Variants in TCP11 observed in about 807,000 individuals in gnomAD.
TCP11 encodes the protein T-complex protein 11 homolog.
In TCP11, 34 loss-of-function variants were observed where a neutral mutation model predicts 45.0. The observed-to-expected ratio is 0.76, with a 90% confidence interval of 0.57 to 1.01. The LOEUF (loss-of-function observed/expected upper bound fraction) is 1.01. Ranked by LOEUF, TCP11 falls within the 50% of genes least tolerant of loss-of-function variation. The pLI is 0.00. For synonymous variants in TCP11, 227 were observed against 227.0 expected (o/e 1.00, Z 0.00); for missense variants, 523 against 598.1 (o/e 0.87, Z 1.31).
chr6:35,119,013 C>G (rs1315148299), intron 9 of TCP11, among the ~76,000 whole-genome samples: 1 of 152,128 alleles, frequency 6.6e-6, no homozygotes, highest in Admixed American at 6.5e-5. Flanking sequence ...TATCCCACAC[C>G]TAGAAGTCAT....
At chr6:35,140,485 A>C in intron 2 of TCP11, 1 of 608,160 alleles carries the variant, frequency 1.6e-6, no homozygotes, top group Non-Finnish European at 3.1e-6. Context: ...AATACAATAC[A>C]AAGGAGGGCT....
At chr6:35,133,213 G>C (rs1780654021) in intron 3 of TCP11, among the ~76,000 whole-genome samples, 1 of 151,568 alleles carries the variant, frequency 6.6e-6, no homozygotes, top group Admixed American at 6.6e-5. Context: ...GTCTTGCTCT[G>C]TTGCCTGGGC....
intron 4 of TCP11, among the ~76,000 whole-genome samples, chr6:35,125,660 G>A (rs1779740036): frequency 6.6e-6 from 1 of 152,072 alleles, no homozygotes; most frequent in Non-Finnish European, 1.5e-5. Context: ...TCCAACTTTA[G>A]GTATATACCC....
intron 3 of TCP11, among the ~76,000 whole-genome samples, chr6:35,132,083 A>G (rs1323610137): frequency 6.6e-6 from 1 of 152,248 alleles, no homozygotes; most frequent in Non-Finnish European, 1.5e-5. Context: ...CACCAGCAAG[A>G]TAAATGGCTT....
chr6:35,119,355 T>C lies in TCP11; in HGVS notation c.1152A>G (p.Val384=). The change falls in exon 9 of 10, where the codon GTA becomes GTG. Residue 384 remains valine, a synonymous_variant. Transcript: ENST00000311875. ...EEAILTVSEQ[V]SQEIHQSLKN... is the part of the protein sequence containing the mutation. ...TGAGGCTTTGATGGATTTCCTGAGATACCTGTTCACTCACAGTCAGTATAG... is the reference window on the plus strand; with the variant it reads ...TGAGGCTTTGATGGATTTCCTGAGACACCTGTTCACTCACAGTCAGTATAG... 3 of 1,614,230 alleles carry C rather than the reference T, an allele frequency of 1.9e-6. No individual in the cohort carries two copies. The highest frequency in any genetic ancestry group is 2.2e-5 in the East Asian group (1 of 44,888).
intron 3 of TCP11, 40 bp from the exon 4 acceptor site, chr6:35,129,222 A>C (rs756006413): frequency 1.3e-6 from 2 of 1,588,278 alleles, no homozygotes; most frequent in African/African-American, 2.7e-5. Flanking sequence ...CTCTCAACCC[A>C]AAAACAGTTA....
intron 3 of TCP11, among the ~76,000 whole-genome samples, chr6:35,133,474 T>G: frequency 6.6e-6 from 1 of 151,950 alleles, no homozygotes. Context: ...TGAGCCACTG[T>G]GCCTGACCAA....
chr6:35,135,476 A>G (rs1053999949), intron 3 of TCP11, among the ~76,000 whole-genome samples: 4 of 152,098 alleles, frequency 2.6e-5, no homozygotes, highest in African/African-American at 9.7e-5. Context: ...TCTCATCCAC[A>G]GAAACTGTGA....
chr6:35,121,058 G>A lies in TCP11; in HGVS notation c.579-13C>T, dbSNP rs557693242. 44 of 1,593,760 alleles carry A rather than the reference G, an allele frequency of 2.8e-5. 1 individual carries two copies. In the South Asian group the frequency reaches 4.8e-4, roughly 17 times the overall value. On this transcript the variant is annotated splice_polypyrimidine_tract_variant and intron_variant, in intron 5 of 9. Coordinates refer to ENST00000311875, the MANE Select transcript of TCP11 (RefSeq NM_001370687.1). ...CTGGAAGATCCCTCTGACACAGGGG[G>A]AAAGAGAATATTTATACTACTAAGC... is the stretch of plus-strand genomic sequence containing the variant.
Position 35,122,103 on chromosome 6 carries a change from A to G in TCP11, c.578+14T>C. ...GCTAAAGCAGGTTTTTGGGGGCAGT[A>G]TCAAGTTTCATACCTCAGTAGCCAA... On this transcript the variant is annotated intron_variant, in intron 5 of 9. Coordinates refer to ENST00000311875, the MANE Select transcript of TCP11 (RefSeq NM_001370687.1). The G allele has an allele frequency of 1.9e-6, 3 of 1,614,008 alleles. No individual in the cohort carries two copies. Among genetic ancestry groups the G allele is most frequent in the Non-Finnish European group, 2.5e-6 (3 of 1,179,856 alleles).
At chr6:35,140,977 C>T in intron 1 of TCP11, 93 bp from the exon 2 acceptor site, 3 of 1,390,762 alleles carry the variant, frequency 2.2e-6, no homozygotes, top group Non-Finnish European at 2.8e-6. Flanking sequence ...AGGGGGGTAG[C>T]GGCCTCAGGG....
At position 35,126,650 on chromosome 6, in the gene TCP11, CTTT is replaced by C. The variant is rs56010838; in HGVS notation, c.357+2409_357+2411del. Among the ~76,000 whole-genome samples, 397 of 66,866 alleles carry C rather than the reference CTTT, an allele frequency of 5.9e-3. 1 individual carries two copies. The highest frequency in any genetic ancestry group is 0.011 in the African/African-American group (185 of 16,846). The allele number at this position is 66,866 out of a possible 152,430, so 43.9% of individuals were successfully genotyped here. ...TGCAATATATGCTTTGAATCAAAGA[CTTT>C]TTTTTTTTTTTTTTTTTTTTTTTGA... On this transcript the variant is annotated intron_variant, in intron 4 of 9. Transcript: ENST00000311875.
intron 1 of TCP11, 138 bp from the exon 2 acceptor site, chr6:35,141,022 G>A (rs1781707256): frequency 3.2e-6 from 4 of 1,248,914 alleles, no homozygotes; most frequent in Non-Finnish European, 4.2e-6. Context: ...AGGGGCAAAG[G>A]AGCGTGGAGG....
At position 35,120,064 on chromosome 6, in the gene TCP11, G is replaced by A; in HGVS notation, c.1115+95C>T. 1 of 1,454,310 alleles carries A rather than the reference G, an allele frequency of 6.9e-7. No individual in the cohort carries two copies. The highest frequency in any genetic ancestry group is 9.3e-7 in the Non-Finnish European group (1 of 1,079,062). The allele number at this position is 1,454,310 out of a possible 1,614,324, so 90.1% of individuals were successfully genotyped here. On this transcript the variant is annotated intron_variant, in intron 8 of 9. Coordinates refer to ENST00000311875, the MANE Select transcript of TCP11 (RefSeq NM_001370687.1). This position sits in a 1 kb window ranked among gnomAD's most constrained non-coding sequence, Gnocchi z 4.9. ...AGATGGTTCCACAGGGCCTTTCTGT[G>A]GTTTGTGGTAGACAGTAAGCAATCG...
chr6:35,121,998 T>TA, intron 5 of TCP11, 119 bp downstream of exon 5: 1 of 934,918 alleles, frequency 1.1e-6, no homozygotes, highest in Non-Finnish European at 1.7e-6. Flanking sequence ...AAAAGGGTGT[T>TA]AGTCAGGTCT....
intron 4 of TCP11, among the ~76,000 whole-genome samples, chr6:35,125,561 T>C (rs1052336560): frequency 7.9e-5 from 12 of 152,186 alleles, no homozygotes; most frequent in African/African-American, 2.9e-4. Context: ...ACATTGCTGG[T>C]AGGAATATAA....
At chr6:35,122,442 G>T in intron 4 of TCP11, 105 bp from the exon 5 acceptor site, 1 of 1,052,174 alleles carries the variant, frequency 9.5e-7, no homozygotes, top group Non-Finnish European at 1.4e-6. Context: ...GTTTTTTAAG[G>T]ATCAAGAAGT....
At position 35,118,252 on chromosome 6, in the gene TCP11, G is replaced by C; in HGVS notation, c.*17C>G. The C allele has an allele frequency of 6.2e-7, 1 of 1,608,194 alleles. No individual in the cohort carries two copies. Among genetic ancestry groups the C allele is most frequent in the Non-Finnish European group, 8.5e-7 (1 of 1,174,618 alleles). On this transcript the variant is annotated 3_prime_UTR_variant, in exon 10 of 10. Coordinates refer to ENST00000311875, the MANE Select transcript of TCP11 (RefSeq NM_001370687.1). The stretch of plus-strand genomic sequence containing the variant: ...CTCCTCTTGGGTCCAAGGTACCAGG[G>C]CTCTGAGCCGACGCTATCAAACAGA...
chr6:35,118,114 G>A lies in TCP11; in HGVS notation c.*155C>T. 1 of 656,206 alleles carries A rather than the reference G, an allele frequency of 1.5e-6. No individual in the cohort carries two copies. The allele number at this position is 656,206 out of a possible 1,614,324, so 40.6% of individuals were successfully genotyped here. On this transcript the variant is annotated 3_prime_UTR_variant, in exon 10 of 10. Coordinates refer to ENST00000311875, the MANE Select transcript of TCP11 (RefSeq NM_001370687.1). ...TTTATTAATGAATGGGTATGGACCA[G>A]TTGGTGTTTACATGCTTGATCCCTA...
Sources: allele counts gnomAD v4.1 joint callset (sites outside exome capture counted in the v4.1 genomes callset), GRCh38; gene constraint gnomAD v4.1.1; non-coding constraint Gnocchi (gnomAD v3.1); transcripts MANE v1.5; gene names NCBI Gene and HGNC (gene_info 2026-07-23, HGNC 2026-07-21).